The following ITPR2 variants were observed in gnomAD, a reference collection of about 807,000 sequenced individuals.
ITPR2 encodes inositol 1,4,5-trisphosphate-gated calcium channel ITPR2.
Under a neutral mutation model 317.1 loss-of-function variants are expected in ITPR2, and 207 were observed. That is an observed-to-expected ratio of 0.65 (90% CI 0.58 to 0.73). The LOEUF (loss-of-function observed/expected upper bound fraction) is 0.73. Among genes scored for constraint, ITPR2 ranks in the 30% least tolerant of loss-of-function variants. ITPR2 has a pLI of 0.00. For synonymous variants in ITPR2, 1,156 were observed against 1,149.1 expected (o/e 1.01, Z -0.12); for missense variants, 2,613 against 3,284.0 (o/e 0.80, Z 4.99).
chr12:26,793,180 T>G (rs986180441), intron 1 of ITPR2, among the ~76,000 whole-genome samples: 1 of 152,126 alleles, frequency 6.6e-6, no homozygotes, highest in Admixed American at 6.5e-5. Context: ...GGACCAGAAT[T>G]TACAACCAAA....
In ITPR2 at chr12:26,578,240, C is replaced by A. The variant is rs139076750; in HGVS notation, c.4630+473G>T. ...AGAGAAGAATCTATGAGAAACTCTT[C>A]TAGAATCTACTCACCTTCCTTTAGC... On this transcript the variant is annotated intron_variant, in intron 34 of 56. Coordinates refer to ENST00000381340, the MANE Select transcript of ITPR2 (RefSeq NM_002223.4). Among the ~76,000 whole-genome samples, 1,260 of 151,514 alleles carry A rather than the reference C, an allele frequency of 8.3e-3. 7 individuals are homozygous for A. The highest frequency in any genetic ancestry group is 0.012 in the Non-Finnish European group (846 of 67,818).
At chr12:26,792,596 A>G (rs1950360873) in intron 1 of ITPR2, among the ~76,000 whole-genome samples, 1 of 152,056 alleles carries the variant, frequency 6.6e-6, no homozygotes, top group Non-Finnish European at 1.5e-5. Context: ...GAGTCTTCCA[A>G]TAAATTTTAA....
At chr12:26,758,093 T>C (rs779579315) in intron 2 of ITPR2, among the ~76,000 whole-genome samples, 1 of 152,196 alleles carries the variant, frequency 6.6e-6, no homozygotes, top group African/African-American at 2.4e-5. Flanking sequence ...ATTCCCTCCA[T>C]GTAGCTTCTC....
intron 8 of ITPR2, among the ~76,000 whole-genome samples, chr12:26,712,329 C>T (rs1948660131): frequency 6.6e-6 from 1 of 152,154 alleles, no homozygotes; most frequent in Non-Finnish European, 1.5e-5. Context: ...ACCACGAATT[C>T]TGTGTGTTAA....
chr12:26,720,180 G>C (rs762268804), intron 5 of ITPR2, among the ~76,000 whole-genome samples: 18 of 152,016 alleles, frequency 1.2e-4, no homozygotes, highest in Non-Finnish European at 2.5e-4. Context: ...TTAAGTAATA[G>C]GAACTATTAC....
intron 5 of ITPR2, among the ~76,000 whole-genome samples, chr12:26,717,097 T>C (rs1281457169): frequency 6.6e-6 from 1 of 152,196 alleles, no homozygotes; most frequent in African/African-American, 2.4e-5. Context: ...TTAGAAGACA[T>C]ATTATTATAG....
In ITPR2 at chr12:26,538,259, C is replaced by A. The variant is rs535724997; in HGVS notation, c.5073+11988G>T. Among the ~76,000 whole-genome samples the A allele has an allele frequency of 6.0e-4, 91 of 152,130 alleles. 1 individual carries two copies. Among genetic ancestry groups the A allele is most frequent in the African/African-American group, 2.1e-3 (87 of 41,482 alleles). On this transcript the variant is annotated intron_variant, in intron 37 of 56. Transcript: ENST00000381340. ...ATTGTTAAACTAACAACAGAGTAAA[C>A]CCCATAAAAGTTTAAGCTGTTACTA...
intron 47 of ITPR2, among the ~76,000 whole-genome samples, chr12:26,437,758 A>G (rs1941389468): frequency 6.6e-6 from 1 of 152,124 alleles, no homozygotes; most frequent in Non-Finnish European, 1.5e-5. Context: ...TATTCAATTT[A>G]TTGTCAAGGA....
chr12:26,344,890 G>C (rs140536186), intron 55 of ITPR2, among the ~76,000 whole-genome samples: 1 of 152,054 alleles, frequency 6.6e-6, no homozygotes, highest in African/African-American at 2.4e-5. Context: ...TTTTCTCTTC[G>C]TTCCTAAATA....
intron 45 of ITPR2, among the ~76,000 whole-genome samples, chr12:26,447,919 C>T (rs1941646081): frequency 6.6e-6 from 1 of 150,814 alleles, no homozygotes. Context: ...CAAAGATATT[C>T]GATTGTCTTA....
chr12:26,513,613 T>C (rs1035172614), intron 37 of ITPR2, among the ~76,000 whole-genome samples: 1 of 151,740 alleles, frequency 6.6e-6, no homozygotes, highest in African/African-American at 2.4e-5. Context: ...TGAAAAGTCA[T>C]CTGGGAATAT....
intron 37 of ITPR2, among the ~76,000 whole-genome samples, chr12:26,521,007 G>A (rs1477108946): frequency 6.6e-6 from 1 of 152,158 alleles, no homozygotes; most frequent in Non-Finnish European, 1.5e-5. Flanking sequence ...TCACATTGAA[G>A]TAGCAATATG....
intron 21 of ITPR2, among the ~76,000 whole-genome samples, chr12:26,646,442 GCAAA>G (rs938072382): frequency 6.6e-6 from 1 of 152,022 alleles, no homozygotes; most frequent in Non-Finnish European, 1.5e-5. Flanking sequence ...CCCTATAAAG[GCAAA>G]CAAACAAACA....
At chr12:26,641,250 A>C (rs1451157331) in intron 21 of ITPR2, among the ~76,000 whole-genome samples, 2 of 152,112 alleles carry the variant, frequency 1.3e-5, no homozygotes, top group Non-Finnish European at 2.9e-5. Flanking sequence ...AAAAAAAAAA[A>C]ATCTCTCTTT....
At chr12:26,753,299 C>G (rs1049639870) in intron 2 of ITPR2, among the ~76,000 whole-genome samples, 1 of 152,186 alleles carries the variant, frequency 6.6e-6, no homozygotes, top group African/African-American at 2.4e-5. Flanking sequence ...ACGGATTTGA[C>G]ACTATGGGAT....
At chr12:26,368,911 T>C (rs1939098382) in intron 55 of ITPR2, among the ~76,000 whole-genome samples, 1 of 152,036 alleles carries the variant, frequency 6.6e-6, no homozygotes, top group Non-Finnish European at 1.5e-5. Flanking sequence ...TTTGGGGAAA[T>C]GAAAAATCAG....
chr12:26,589,194 T>C (rs554309101), intron 32 of ITPR2, among the ~76,000 whole-genome samples: 1 of 152,314 alleles, frequency 6.6e-6, no homozygotes, highest in South Asian at 2.1e-4. Flanking sequence ...TTACAGGACA[T>C]GGATACTGTC....
chr12:26,562,360 T>C (rs1210532568), intron 34 of ITPR2, among the ~76,000 whole-genome samples: 2 of 152,224 alleles, frequency 1.3e-5, no homozygotes, highest in East Asian at 1.9e-4. Flanking sequence ...CAAAATTGTA[T>C]GTGATGAAAC....
intron 10 of ITPR2, among the ~76,000 whole-genome samples, chr12:26,694,816 G>A (rs922511470): frequency 4.6e-5 from 7 of 152,194 alleles, no homozygotes; most frequent in Admixed American, 2.0e-4. Flanking sequence ...CTACCTCTAC[G>A]TTTAGAGACA....
Sources: allele counts gnomAD v4.1 joint callset (sites outside exome capture counted in the v4.1 genomes callset), GRCh38; gene constraint gnomAD v4.1.1; transcripts MANE v1.5; gene names NCBI Gene and HGNC (gene_info 2026-07-23, HGNC 2026-07-21).